The following ANKRD62 variants were observed in gnomAD, a reference collection of about 807,000 sequenced individuals.
The protein encoded by ANKRD62 is ankyrin repeat domain-containing protein 62.
Under a neutral mutation model 98.8 loss-of-function variants are expected in ANKRD62, and 61 were observed. That is an observed-to-expected ratio of 0.62 (90% CI 0.50 to 0.76). The LOEUF is 0.76. ANKRD62 is among the 30% of genes least tolerant of loss of function. The probability of loss-of-function intolerance (pLI) is 0.00; values close to 1 mark genes in which losing one functional copy is unlikely to be tolerated. For missense variants in ANKRD62, 933 were observed against 1,082.9 expected (o/e 0.86, Z 1.94); for synonymous variants, 341 against 367.9 (o/e 0.93, Z 0.84).
chr18:12,153,525 G>A, the ANKRD62 span, among the ~76,000 whole-genome samples: 1 of 149,852 alleles, frequency 6.7e-6, no homozygotes, highest in Non-Finnish European at 1.5e-5. Context: ...CTGTGAGGCT[G>A]AGGTTTCAGT....
At chr18:12,155,840 T>C in the ANKRD62 span, among the ~76,000 whole-genome samples, 6 of 152,148 alleles carry the variant, frequency 3.9e-5, no homozygotes, top group African/African-American at 1.4e-4. Flanking sequence ...TTCCTTCAGA[T>C]AGACATTGGG....
intron 5 of ANKRD62, among the ~76,000 whole-genome samples, chr18:12,099,108 A>T (rs578205250): frequency 6.6e-6 from 1 of 152,364 alleles, no homozygotes; most frequent in African/African-American, 2.4e-5. Context: ...TTTTCAAAAG[A>T]TCATAACATT....
chr18:12,115,636 T>A (rs1909648225), intron 10 of ANKRD62, 102 bp downstream of exon 10: 2 of 1,037,316 alleles, frequency 1.9e-6, no homozygotes, highest in Non-Finnish European at 2.6e-6. Context: ...GTTATAGGGA[T>A]GTTCATCTCG....
chr18:12,145,290 C>T, the ANKRD62 span, among the ~76,000 whole-genome samples: 3 of 152,222 alleles, frequency 2.0e-5, no homozygotes, highest in African/African-American at 7.2e-5. Flanking sequence ...CCCCCCACCA[C>T]ATGGGCTTGG....
At chr18:12,103,878 A>C (rs1331374195) in intron 7 of ANKRD62, among the ~76,000 whole-genome samples, 1 of 152,170 alleles carries the variant, frequency 6.6e-6, no homozygotes, top group Non-Finnish European at 1.5e-5. Flanking sequence ...AAAATTTATT[A>C]GAACTTGACT....
At chr18:12,117,707 G>A (rs944943953) in intron 10 of ANKRD62, among the ~76,000 whole-genome samples, 2 of 152,102 alleles carry the variant, frequency 1.3e-5, no homozygotes, top group African/African-American at 4.8e-5. Context: ...TCAAATGCCT[G>A]TATCTGTCGA....
the ANKRD62 span, among the ~76,000 whole-genome samples, chr18:12,152,435 G>A: frequency 1.3e-5 from 2 of 152,120 alleles, no homozygotes; most frequent in African/African-American, 2.4e-5. Context: ...TTTAACCTAT[G>A]CAAATCAATA....
chr18:12,167,371 T>A, the ANKRD62 span, among the ~76,000 whole-genome samples: 1 of 151,860 alleles, frequency 6.6e-6, no homozygotes, highest in African/African-American at 2.4e-5. Flanking sequence ...CACCTATGAG[T>A]GAGAACATGT....
intron 1 of ANKRD62, 97 bp from the exon 2 acceptor site, chr18:12,095,074 G>A (rs1226778627): frequency 4.5e-6 from 4 of 881,430 alleles, no homozygotes; most frequent in Admixed American, 2.1e-5. Flanking sequence ...TGAAGGCAGA[G>A]GGATAACATA....
chr18:12,121,907 G>A (rs1909790037), intron 10 of ANKRD62, among the ~76,000 whole-genome samples: 1 of 152,182 alleles, frequency 6.6e-6, no homozygotes, highest in Admixed American at 6.5e-5. Context: ...CCGCAGACTA[G>A]CCAGAGCGCT....
At chr18:12,119,641 C>A (rs1399271659) in intron 10 of ANKRD62, among the ~76,000 whole-genome samples, 1 of 152,068 alleles carries the variant, frequency 6.6e-6, no homozygotes. Context: ...AAAAATCCGC[C>A]CTTGTGATTA....
chr18:12,167,484 C>G, the ANKRD62 span, among the ~76,000 whole-genome samples: 1 of 152,178 alleles, frequency 6.6e-6, no homozygotes, highest in Non-Finnish European at 1.5e-5. Context: ...TTTATGGCTG[C>G]ATAGTATTCC....
At chr18:12,103,829 T>C (rs546703778) in intron 7 of ANKRD62, among the ~76,000 whole-genome samples, 89 of 152,248 alleles carry the variant, frequency 5.8e-4, no homozygotes, top group African/African-American at 2.1e-3. Flanking sequence ...TCTGCAAATA[T>C]TGTTAAATTT....
the ANKRD62 span, among the ~76,000 whole-genome samples, chr18:12,176,155 G>A: frequency 6.6e-6 from 1 of 151,774 alleles, no homozygotes; most frequent in African/African-American, 2.4e-5. Context: ...CTGTGCTACT[G>A]CACTCTAGCC....
the ANKRD62 span, among the ~76,000 whole-genome samples, chr18:12,152,122 C>T: frequency 7.3e-6 from 1 of 136,086 alleles, no homozygotes. Flanking sequence ...GATTCACAGC[C>T]AGATTCGACC....
rs1254050144 is a variant in ANKRD62 at position 12,107,391 on chromosome 18, G to T, written c.988G>T (p.Glu330Ter). Reference protein sequence around the residue: ...DSDNYNDDVDELIHKIKNRKP... With the variant: ...DSDNYNDDVD ...TGACAATTATAATGATGATGTTGAT[G>T]AATTAATTCACAAAATAAAGAACAG... The change falls in exon 8 of 14, where the codon GAA (glutamate) becomes TAA (stop). Residue 330 changes from glutamate to a stop codon, truncating the protein, a stop_gained. Coordinates refer to ENST00000587848, the MANE Select transcript of ANKRD62 (RefSeq NM_001277333.2). LOFTEE classifies it high-confidence loss of function. 1 of 1,525,204 alleles carries T rather than the reference G, an allele frequency of 6.6e-7. No homozygotes were observed. Among genetic ancestry groups the T allele is most frequent in the South Asian group, 1.2e-5 (1 of 82,016 alleles). 94.5% of individuals were successfully genotyped at this position (1,525,204 alleles called of 1,614,324 possible). A position where few individuals can be genotyped will look rare whatever the true frequency, so the allele number is the denominator to read the frequency against.
the ANKRD62 span, among the ~76,000 whole-genome samples, chr18:12,138,695 G>T: frequency 6.6e-6 from 1 of 152,284 alleles, no homozygotes; most frequent in East Asian, 1.9e-4. Flanking sequence ...CTGTTTGTAG[G>T]TCACTCAGGA....
the ANKRD62 span, among the ~76,000 whole-genome samples, chr18:12,174,529 C>G: frequency 4.6e-5 from 7 of 152,124 alleles, no homozygotes; most frequent in African/African-American, 1.4e-4. Flanking sequence ...AGTTCAGAAC[C>G]CTTGTTGGAG....
downstream of ANKRD62, among the ~76,000 whole-genome samples, chr18:12,134,557 A>T (rs961301706): frequency 1.3e-5 from 2 of 152,004 alleles, no homozygotes; most frequent in African/African-American, 2.4e-5. Flanking sequence ...CCAGTGTGTG[A>T]TGTTCCCCTT....
Sources: gnomAD v4.1 joint callset for allele counts (sites outside exome capture counted in the v4.1 genomes callset) on GRCh38, gnomAD v4.1.1 for gene constraint, MANE v1.5 for transcripts, NCBI Gene and HGNC (gene_info 2026-07-23, HGNC 2026-07-21) for gene names.